NRG1: variants seen among roughly 807,000 people sequenced by gnomAD.
NRG1 encodes the protein pro-neuregulin-1, membrane-bound isoform.
In NRG1, 18 loss-of-function variants were observed where a neutral mutation model predicts 63.8. The observed-to-expected ratio is 0.28, with a 90% CI of 0.19 to 0.42. The LOEUF (loss-of-function observed/expected upper bound fraction) is 0.42. Ranked by LOEUF, NRG1 falls within the 10% of genes least tolerant of loss-of-function variation. The probability of loss-of-function intolerance (pLI) is 1.00; values close to 1 mark genes in which losing one functional copy is unlikely to be tolerated. For synonymous variants in NRG1, 302 were observed against 301.3 expected (o/e 1.00, Z -0.02); for missense variants, 762 against 814.7 (o/e 0.94, Z 0.79).
At chr8:32,453,264 T>C (rs1821189169) in intron 1 of NRG1, among the ~76,000 whole-genome samples, 1 of 152,162 alleles carries the variant, frequency 6.6e-6, no homozygotes, top group Non-Finnish European at 1.5e-5. Flanking sequence ...TGAGACAACA[T>C]ATATCTTGCT....
At chr8:32,463,517 G>A (rs569521874) in intron 1 of NRG1, among the ~76,000 whole-genome samples, 1 of 152,214 alleles carries the variant, frequency 6.6e-6, no homozygotes, top group Admixed American at 6.5e-5. Context: ...CTGGCCTGAT[G>A]CTAAATTATG....
At chr8:32,437,306 T>TG (rs1563463372) in intron 1 of NRG1, among the ~76,000 whole-genome samples, 2 of 152,048 alleles carry the variant, frequency 1.3e-5, no homozygotes, top group Non-Finnish European at 2.9e-5. Flanking sequence ...TTAGTGTTTT[T>TG]TTTGTTTGTT....
At chr8:32,277,577 G>T (rs1852240349) in intron 1 of NRG1, among the ~76,000 whole-genome samples, 1 of 152,036 alleles carries the variant, frequency 6.6e-6, no homozygotes, top group Non-Finnish European at 1.5e-5. Context: ...TAATTTTCTT[G>T]ATAAACCTTC....
intron 1 of NRG1, among the ~76,000 whole-genome samples, chr8:32,370,857 C>CA (rs570354347): frequency 0.38 from 19,440 of 51,804 alleles, 6,257 homozygotes; most frequent in East Asian, 0.74. Context: ...GACTCTGTCT[C>CA]AAAAAAAAAA....
chr8:31,661,062 T>G (rs1805943918), intron 1 of NRG1, among the ~76,000 whole-genome samples: 1 of 152,222 alleles, frequency 6.6e-6, no homozygotes, highest in Non-Finnish European at 1.5e-5. Context: ...GTTATGGTGA[T>G]GATTTAGTAT....
chr8:32,598,973 G>A (rs1384909684), intron 2 of NRG1, among the ~76,000 whole-genome samples: 1 of 151,970 alleles, frequency 6.6e-6, no homozygotes, highest in Non-Finnish European at 1.5e-5. Flanking sequence ...AGGAAGCTGA[G>A]TTTCTTCCTG....
intron 6 of NRG1, among the ~76,000 whole-genome samples, chr8:32,736,106 T>C (rs1824987670): frequency 6.6e-6 from 1 of 152,152 alleles, no homozygotes. Flanking sequence ...ATATTTAATA[T>C]TTTCTTTAAT....
At chr8:31,728,183 G>A (rs1167020374) in intron 1 of NRG1, among the ~76,000 whole-genome samples, 1 of 152,290 alleles carries the variant, frequency 6.6e-6, no homozygotes, top group East Asian at 1.9e-4. Flanking sequence ...AAATATTTGG[G>A]CTGGGCATGG....
chr8:32,458,851 T>G (rs146321737), intron 1 of NRG1, among the ~76,000 whole-genome samples: 1 of 152,300 alleles, frequency 6.6e-6, no homozygotes, highest in East Asian at 1.9e-4. Context: ...CCAGATCTTA[T>G]AGTAGGCAAA....
chr8:32,296,313 G>T (rs1650753632), intron 1 of NRG1, among the ~76,000 whole-genome samples: 1 of 152,008 alleles, frequency 6.6e-6, no homozygotes, highest in South Asian at 2.1e-4. Context: ...TTAATGGCCA[G>T]GTGCGGTGGC....
chr8:31,826,982 T>C (rs1279846771), intron 1 of NRG1, among the ~76,000 whole-genome samples: 3 of 152,352 alleles, frequency 2.0e-5, no homozygotes, highest in Non-Finnish European at 2.9e-5. Context: ...AGGAAGATTG[T>C]TCATTGGGCT....
intron 1 of NRG1, among the ~76,000 whole-genome samples, chr8:31,752,247 G>C (rs1379271700): frequency 6.6e-6 from 1 of 152,060 alleles, no homozygotes; most frequent in Admixed American, 6.6e-5. Flanking sequence ...TAATGTGGAA[G>C]TTATGGGCAA....
chr8:31,973,568 A>G (rs552844969), intron 1 of NRG1, among the ~76,000 whole-genome samples: 22 of 152,318 alleles, frequency 1.4e-4, no homozygotes, highest in African/African-American at 5.3e-4. Context: ...AGTTGATGCC[A>G]TGTCTCAAAT....
At chr8:32,177,407 G>A (rs576064024) in intron 1 of NRG1, among the ~76,000 whole-genome samples, 18 of 151,990 alleles carry the variant, frequency 1.2e-4, no homozygotes, top group East Asian at 7.8e-4. Context: ...GCAGCACACC[G>A]ACATGGCACA....
At chr8:32,082,064 C>G (rs540306210) in intron 1 of NRG1, among the ~76,000 whole-genome samples, 66 of 152,172 alleles carry the variant, frequency 4.3e-4, no homozygotes, top group African/African-American at 1.5e-3. Flanking sequence ...CTGTGAGAGA[C>G]TGATCAACTA....
At chr8:31,845,780 A>G (rs575016746) in intron 1 of NRG1, among the ~76,000 whole-genome samples, 1 of 152,324 alleles carries the variant, frequency 6.6e-6, no homozygotes, top group Admixed American at 6.5e-5. Context: ...GAAGCAGAAA[A>G]GATAAAAACT....
chr8:32,044,329 A>G (rs1242394376), intron 1 of NRG1, among the ~76,000 whole-genome samples: 1 of 151,936 alleles, frequency 6.6e-6, no homozygotes, highest in African/African-American at 2.4e-5. Context: ...AAATGAAAGG[A>G]CAAACAGAAA....
chr8:32,069,399 C>T (rs1031389458), intron 1 of NRG1, among the ~76,000 whole-genome samples: 3 of 152,198 alleles, frequency 2.0e-5, no homozygotes, highest in African/African-American at 7.2e-5. Flanking sequence ...CAGCTTGAGA[C>T]ACAGTCTTAT....
At chr8:32,616,932 C>T (rs755204030) in intron 5 of NRG1, 47 bp downstream of exon 5, 12 of 1,360,020 alleles carry the variant, frequency 8.8e-6, no homozygotes, top group East Asian at 6.9e-5. Context: ...ACCCAAGGCA[C>T]TATCTGCTTT....
Sources: gnomAD v4.1 joint callset for allele counts (sites outside exome capture counted in the v4.1 genomes callset) on GRCh38, gnomAD v4.1.1 for gene constraint, MANE v1.5 for transcripts, NCBI Gene and HGNC (gene_info 2026-07-23, HGNC 2026-07-21) for gene names.